NMBR: variants seen among roughly 807,000 people sequenced by gnomAD.
The protein encoded by NMBR is neuromedin-B receptor.
In NMBR, 16 loss-of-function variants were observed where a neutral mutation model predicts 20.5. That is an observed-to-expected ratio of 0.78 (90% CI 0.53 to 1.19). The LOEUF (loss-of-function observed/expected upper bound fraction) is 1.19, where lower values mean the gene tolerates loss of function less well. Among genes scored for constraint, NMBR ranks in the 50% most tolerant of loss-of-function variants. The probability of loss-of-function intolerance (pLI) is 0.00; values close to 1 mark genes in which losing one functional copy is unlikely to be tolerated. For missense variants in NMBR, 582 were observed against 499.1 expected, an observed-to-expected ratio of 1.17 and a Z score of -1.58; for synonymous variants, 212 against 196.6, an observed-to-expected ratio of 1.08 and a Z score of -0.65.
intron 1 of NMBR, among the ~76,000 whole-genome samples, chr6:142,146,188 T>C (rs911753749): frequency 4.6e-5 from 7 of 152,008 alleles, no homozygotes; most frequent in Non-Finnish European, 1.0e-4. Context: ...ACTTTGCAAA[T>C]AGGTCTAGGC....
Position 142,086,609 on chromosome 6 carries a change from G to A in NMBR, c.422+1628C>T, listed in dbSNP as rs75883192. Among the ~76,000 whole-genome samples the A allele has an allele frequency of 4.0e-3, 615 of 152,156 alleles. 9 individuals carry two copies. Among genetic ancestry groups the A allele is most frequent in the African/African-American group, 0.013 (552 of 41,484 alleles). ...AGGGTAGCCTACGGACCAAGTAGAA[G>A]AGGCATCTCACCTTTCCTTATTGTT... On this transcript the variant is annotated intron_variant, in intron 2 of 3. Coordinates refer to ENST00000258042, the MANE Select transcript of NMBR (RefSeq NM_002511.4).
At chr6:142,133,798 C>T in intron 1 of NMBR, 2 of 545,646 alleles carry the variant, frequency 3.7e-6, no homozygotes, top group East Asian at 2.9e-5. Flanking sequence ...TTTAAATGTC[C>T]TCCTTTAATG....
At chr6:142,090,610 T>C (rs1315901880) in intron 1 of NMBR, among the ~76,000 whole-genome samples, 1 of 149,936 alleles carries the variant, frequency 6.7e-6, no homozygotes, top group South Asian at 2.1e-4. Flanking sequence ...ATTATACACA[T>C]ATATAGAGGG....
chr6:142,135,632 C>T (rs935431723), intron 1 of NMBR, among the ~76,000 whole-genome samples: 1 of 148,246 alleles, frequency 6.7e-6, no homozygotes, highest in Non-Finnish European at 1.5e-5. Context: ...TCTCCTAATG[C>T]TATCCCTCCC....
intron 1 of NMBR, among the ~76,000 whole-genome samples, chr6:142,138,531 G>A (rs1224351348): frequency 6.6e-6 from 1 of 152,086 alleles, no homozygotes; most frequent in Non-Finnish European, 1.5e-5. Flanking sequence ...GTGGGGACTG[G>A]TAAAAATTGT....
In NMBR at chr6:142,075,836, C is replaced by T; in HGVS notation, c.985G>A (p.Glu329Lys). ...CTGTTGAAATGCCTCCTGAAGCTTT[C>T]ACTGAGTAGGTAAAGAGCAAATGGG... is the stretch of plus-strand genomic sequence containing the variant. ...VNPFALYLLSESFRRHFNSQL... is the reference protein window; with the variant it reads ...VNPFALYLLSKSFRRHFNSQL... Residue 329 changes from glutamate (E) to lysine (K), a missense_variant, in exon 4 of 4, where the codon GAA becomes AAA. Glu to Lys is a moderately conservative substitution (Grantham distance 56, BLOSUM62 1). Coordinates refer to ENST00000258042, the MANE Select transcript of NMBR (RefSeq NM_002511.4). 1 of 1,614,054 alleles carries T rather than the reference C, an allele frequency of 6.2e-7. No individual in the cohort carries two copies. Among genetic ancestry groups the T allele is most frequent in the Non-Finnish European group, 8.5e-7 (1 of 1,179,962 alleles).
intron 1 of NMBR, among the ~76,000 whole-genome samples, chr6:142,097,171 C>T (rs1305035401): frequency 5.3e-5 from 8 of 152,048 alleles, no homozygotes; most frequent in East Asian, 3.9e-4. Context: ...AGCCCATTTA[C>T]ATTTAAAGTT....
Position 142,075,741 on chromosome 6 carries a change from C to T in NMBR, c.1080G>A (p.Val360=). The part of the protein sequence containing the change: ...GTSYLLSSSA[V]RMTSLKSNAK... ...CATTGCTTTTCAGAGATGTCATACGCACCGCTGAAGAGCTGAGTAGGTAGC... is the reference window on the plus strand; with the variant it reads ...CATTGCTTTTCAGAGATGTCATACGTACCGCTGAAGAGCTGAGTAGGTAGC... The change falls in exon 4 of 4, where the codon GTG becomes GTA. Residue 360 remains valine (V), a synonymous_variant. Transcript: ENST00000258042. 6 of 1,614,002 alleles carry T rather than the reference C, an allele frequency of 3.7e-6. No individual in the cohort carries two copies. The highest frequency in any genetic ancestry group is 5.1e-6 in the Non-Finnish European group (6 of 1,179,940).
intron 1 of NMBR, among the ~76,000 whole-genome samples, chr6:142,131,056 C>T (rs11962258): frequency 0.032 from 4,808 of 152,188 alleles, 261 homozygotes; most frequent in African/African-American, 0.11. Flanking sequence ...TGTAGTCATC[C>T]TATTCCTGTA....
chr6:142,137,156 C>T (rs1193641056), intron 1 of NMBR, among the ~76,000 whole-genome samples: 15 of 152,074 alleles, frequency 9.9e-5, no homozygotes, highest in African/African-American at 2.4e-4. Context: ...TTTCTTGTAT[C>T]CTCTTTTATT....
intron 1 of NMBR, among the ~76,000 whole-genome samples, chr6:142,146,618 AAAG>A (rs767497696): frequency 1.3e-4 from 20 of 152,204 alleles, no homozygotes; most frequent in African/African-American, 4.8e-4. Context: ...CAGAAAAAAA[AAAG>A]GTGATCTACA....
intron 1 of NMBR, among the ~76,000 whole-genome samples, chr6:142,093,872 G>T (rs1323556348): frequency 6.6e-6 from 1 of 152,028 alleles, no homozygotes; most frequent in Non-Finnish European, 1.5e-5. Context: ...GTATCTCCTT[G>T]TGGTTTTGAT....
At position 142,126,757 on chromosome 6, in the gene NMBR, A is replaced by ATTT. The variant is rs34631481; in HGVS notation, c.-664+20284_-664+20286dup. On this transcript the variant is annotated intron_variant, in intron 1 of 3. Coordinates refer to ENST00000258042, the MANE Select transcript of NMBR (RefSeq NM_002511.4). ...ATTTTTGAGTCAGGTTATTTGAGGG[A>ATTT]TTTTTTTTTTTTTTTTTTTTTTTTG... 6.6e-3 allele frequency among the ~76,000 whole-genome samples: 339 copies of ATTT among 51,342 alleles called. 21 individuals carry two copies. Among genetic ancestry groups the ATTT allele is most frequent in the South Asian group, 0.036 (39 of 1,092 alleles). The allele number at this position is 51,342 out of a possible 152,430, so 33.7% of individuals were successfully genotyped here.
chr6:142,132,343 G>T (rs1778158292), intron 1 of NMBR, among the ~76,000 whole-genome samples: 1 of 152,172 alleles, frequency 6.6e-6, no homozygotes, highest in African/African-American at 2.4e-5. Context: ...CTTGGTGCCT[G>T]CTGGTCCTCA....
At chr6:142,084,885 G>A (rs890125011) in intron 2 of NMBR, among the ~76,000 whole-genome samples, 2 of 152,144 alleles carry the variant, frequency 1.3e-5, no homozygotes, top group African/African-American at 2.4e-5. Context: ...CTCCACGGGG[G>A]GAGGTGAGAA....
chr6:142,078,303 A>G (rs570847627), intron 3 of NMBR, among the ~76,000 whole-genome samples: 1 of 152,338 alleles, frequency 6.6e-6, no homozygotes, highest in South Asian at 2.1e-4. Flanking sequence ...CTTTCAATAC[A>G]TTAATTTCTA....
chr6:142,085,391 G>C (rs1316153823), intron 2 of NMBR, among the ~76,000 whole-genome samples: 2 of 152,110 alleles, frequency 1.3e-5, no homozygotes, highest in Admixed American at 6.5e-5. Flanking sequence ...AGGCATAGTG[G>C]CGTGTGCCTG....
intron 1 of NMBR, among the ~76,000 whole-genome samples, chr6:142,130,829 A>G (rs1166670233): frequency 6.6e-6 from 1 of 152,150 alleles, no homozygotes; most frequent in Admixed American, 6.6e-5. Context: ...GCCACTGACA[A>G]CAATGGACCA....
At chr6:142,076,636 C>T (rs1022755257) in intron 3 of NMBR, among the ~76,000 whole-genome samples, 9 of 152,244 alleles carry the variant, frequency 5.9e-5, no homozygotes, top group African/African-American at 2.2e-4. Context: ...AATTTTCCTT[C>T]TCCATAAAAT....
Sources: gnomAD v4.1 joint callset for allele counts (sites outside exome capture counted in the v4.1 genomes callset) on GRCh38, gnomAD v4.1.1 for gene constraint, MANE v1.5 for transcripts, NCBI Gene and HGNC (gene_info 2026-07-23, HGNC 2026-07-21) for gene names.